Variants in DPYD observed in about 807,000 individuals in gnomAD.
The protein encoded by DPYD is dihydropyrimidine dehydrogenase.
Under a neutral mutation model 116.2 loss-of-function variants are expected in DPYD, and 109 were observed. The observed-to-expected ratio is 0.94, with a 90% confidence interval of 0.80 to 1.10. The LOEUF (loss-of-function observed/expected upper bound fraction) is 1.10, where lower values mean the gene tolerates loss of function less well. Ranked by LOEUF, DPYD falls within the 50% of genes least tolerant of loss-of-function variation. The pLI is 0.00. For missense variants in DPYD, 1,302 were observed against 1,254.5 expected (o/e 1.04, Z -0.57); for synonymous variants, 440 against 432.0 (o/e 1.02, Z -0.23).
chr1:97,079,824 A>T, intron 22 of DPYD, among the ~76,000 whole-genome samples: 1 of 151,966 alleles, frequency 6.6e-6, no homozygotes, highest in Non-Finnish European at 1.5e-5. Flanking sequence ...ACGGCTTAGG[A>T]TTTTGAGAAA....
At chr1:97,710,314 C>A (rs1490746165) in intron 5 of DPYD, among the ~76,000 whole-genome samples, 2 of 151,660 alleles carry the variant, frequency 1.3e-5, no homozygotes, top group African/African-American at 2.4e-5. Flanking sequence ...ATGTAATTTT[C>A]TTTGTTGTTT....
intron 3 of DPYD, among the ~76,000 whole-genome samples, chr1:97,801,851 C>A (rs1667862679): frequency 6.6e-6 from 1 of 151,632 alleles, no homozygotes; most frequent in Admixed American, 6.6e-5. Context: ...TTTCCAATTT[C>A]TGTAGTTCTT....
intron 8 of DPYD, among the ~76,000 whole-genome samples, chr1:97,647,947 T>C (rs1014841201): frequency 6.6e-6 from 1 of 151,996 alleles, no homozygotes; most frequent in Admixed American, 6.6e-5. Flanking sequence ...TTCTCTCTCA[T>C]CCATCTTCTT....
chr1:97,395,240 CAT>C (rs1672947164), intron 14 of DPYD, among the ~76,000 whole-genome samples: 1 of 151,168 alleles, frequency 6.6e-6, no homozygotes, highest in South Asian at 2.1e-4. Context: ...AATAAGGACA[CAT>C]AGATGGTAAA....
intron 18 of DPYD, among the ~76,000 whole-genome samples, chr1:97,240,285 A>G (rs1662241679): frequency 6.6e-6 from 1 of 151,954 alleles, no homozygotes; most frequent in Non-Finnish European, 1.5e-5. Flanking sequence ...TTTAATTACA[A>G]TATCTGAACT....
chr1:97,791,946 G>A (rs1308215220), intron 3 of DPYD, among the ~76,000 whole-genome samples: 5 of 152,158 alleles, frequency 3.3e-5, no homozygotes, highest in East Asian at 1.9e-4. Flanking sequence ...ATTGCTCTGC[G>A]AAGCAGAGTG....
At position 97,628,778 on chromosome 1, in the gene DPYD, A is replaced by C. The variant is rs75813501; in HGVS notation, c.851-33612T>G. Among the ~76,000 whole-genome samples, 950 of 152,208 alleles carry C rather than the reference A, an allele frequency of 6.2e-3. 14 individuals carry two copies. The highest frequency in any genetic ancestry group is 0.022 in the African/African-American group (903 of 41,558). On this transcript the variant is annotated intron_variant, in intron 8 of 22. Coordinates refer to ENST00000370192, the MANE Select transcript of DPYD (RefSeq NM_000110.4). ...CATTATATGCAAATAGAATTAGTAA[A>C]TACGAATGTACTACGTACTAGTAAT... is the stretch of plus-strand genomic sequence containing the variant.
Position 97,203,670 on chromosome 1 carries a change from C to G in DPYD, c.2443-10422G>C, listed in dbSNP as rs1188725968. Reference sequence around the variant, plus strand: ...ATAAAGGATGAGTTCAGACCCCCCCCCCCCAAAAAAAAAAAAAGAGAAAAA... The same window carrying G: ...ATAAAGGATGAGTTCAGACCCCCCCGCCCCAAAAAAAAAAAAAGAGAAAAA... On this transcript the variant is annotated intron_variant, in intron 19 of 22. Coordinates refer to ENST00000370192, the MANE Select transcript of DPYD (RefSeq NM_000110.4). Among the ~76,000 whole-genome samples, 2 of 58,292 alleles carry G rather than the reference C, an allele frequency of 3.4e-5. 1 individual carries two copies. Among genetic ancestry groups the G allele is most frequent in the African/African-American group, 1.3e-4 (2 of 15,318 alleles). The allele number at this position is 58,292 out of a possible 152,430, so 38.2% of individuals were successfully genotyped here. A position where few individuals can be genotyped will look rare whatever the true frequency, so the allele number is the denominator to read the frequency against.
At chr1:97,438,284 AC>A (rs1276310665) in intron 14 of DPYD, among the ~76,000 whole-genome samples, 1 of 152,070 alleles carries the variant, frequency 6.6e-6, no homozygotes, top group African/African-American at 2.4e-5. Context: ...TTGGGATTGC[AC>A]TTTATCCATA....
chr1:97,915,122 T>C (rs1490116700), intron 1 of DPYD, among the ~76,000 whole-genome samples: 1 of 152,126 alleles, frequency 6.6e-6, no homozygotes, highest in Non-Finnish European at 1.5e-5. Flanking sequence ...CTTATAGCTA[T>C]TGCATGAAAT....
At chr1:97,332,304 G>C (rs1454999813) in intron 16 of DPYD, among the ~76,000 whole-genome samples, 2 of 152,116 alleles carry the variant, frequency 1.3e-5, no homozygotes, top group East Asian at 3.8e-4. Context: ...AAATTTAAAA[G>C]AGCTAAATAA....
chr1:97,561,750 T>C (rs183478733), intron 11 of DPYD, among the ~76,000 whole-genome samples: 5 of 152,310 alleles, frequency 3.3e-5, no homozygotes, highest in Admixed American at 3.3e-4. Context: ...ATATACCTTA[T>C]AATCTAGACG....
intron 14 of DPYD, among the ~76,000 whole-genome samples, chr1:97,449,721 C>T (rs1195964361): frequency 1.3e-5 from 2 of 152,144 alleles, no homozygotes; most frequent in South Asian, 2.1e-4. Flanking sequence ...TTATAGTTTA[C>T]AATTTCTTCC....
intron 3 of DPYD, among the ~76,000 whole-genome samples, chr1:97,775,374 T>G (rs372236261): frequency 1.3e-5 from 2 of 152,168 alleles, no homozygotes; most frequent in Non-Finnish European, 2.9e-5. Context: ...CCACCTAAAT[T>G]TCCCCCCCTG....
chr1:97,342,963 T>A lies in DPYD; in HGVS notation c.2058+30598A>T, dbSNP rs560295246. Among the ~76,000 whole-genome samples, 3 of 151,882 alleles carry A rather than the reference T, an allele frequency of 2.0e-5. No individual in the cohort carries two copies. In the South Asian group the frequency reaches 6.2e-4, roughly 32 times the overall value. ...TGATCTCTGGATGAAGTCAGTTACA[T>A]CTCCTGTATTTGACTTAAAATTTCA... is the stretch of plus-strand genomic sequence containing the variant. On this transcript the variant is annotated intron_variant, in intron 16 of 22. Transcript: ENST00000370192.
chr1:97,444,667 T>C (rs1675977013), intron 14 of DPYD, among the ~76,000 whole-genome samples: 1 of 152,066 alleles, frequency 6.6e-6, no homozygotes, highest in Non-Finnish European at 1.5e-5. Context: ...CACAGGAGAT[T>C]TCTGAAATGA....
intron 19 of DPYD, among the ~76,000 whole-genome samples, chr1:97,230,885 G>T (rs1359366692): frequency 1.3e-5 from 2 of 152,146 alleles, no homozygotes; most frequent in Non-Finnish European, 2.9e-5. Flanking sequence ...TGTCCCACTG[G>T]TTCTTGCAGT....
At chr1:97,101,163 A>T (rs1476357537) in intron 20 of DPYD, among the ~76,000 whole-genome samples, 2 of 151,852 alleles carry the variant, frequency 1.3e-5, no homozygotes, top group Admixed American at 6.6e-5. Flanking sequence ...CTCCACATCA[A>T]ATTGGGTTCA....
In DPYD at chr1:97,587,624, G is replaced by A. The variant is rs571693445; in HGVS notation, c.1128+5594C>T. 2.6e-5 allele frequency among the ~76,000 whole-genome samples: 4 copies of A among 152,094 alleles called. No individual in the cohort carries two copies. In the East Asian group the frequency reaches 7.8e-4, roughly 29 times the overall value. The stretch of plus-strand genomic sequence containing the variant: ...GCGGATCACAAGGTCAGGAGATGGG[G>A]ACCCTCCTGGCTAACATGGTGAAAC... On this transcript the variant is annotated intron_variant, in intron 10 of 22. Coordinates refer to ENST00000370192, the MANE Select transcript of DPYD (RefSeq NM_000110.4).
Sources: allele counts gnomAD v4.1 joint callset (sites outside exome capture counted in the v4.1 genomes callset), GRCh38; gene constraint gnomAD v4.1.1; transcripts MANE v1.5; gene names NCBI Gene and HGNC (gene_info 2026-07-23, HGNC 2026-07-21).